Variants in DCC observed in about 807,000 individuals in gnomAD.
DCC encodes the protein DCC netrin 1 receptor.
Under a neutral mutation model 172.5 loss-of-function variants are expected in DCC, and 58 were observed. The observed-to-expected ratio is 0.34, with a 90% confidence interval of 0.27 to 0.42. The LOEUF is 0.42. Ranked by LOEUF, DCC falls within the 10% of genes least tolerant of loss-of-function variation. The pLI is 1.00. For synonymous variants in DCC, 709 were observed against 644.5 expected (o/e 1.10, Z -1.52); for missense variants, 1,740 against 1,791.0 (o/e 0.97, Z 0.51).
chr18:53,348,619 C>T (rs942026002), intron 15 of DCC, among the ~76,000 whole-genome samples: 1 of 152,186 alleles, frequency 6.6e-6, no homozygotes, highest in Non-Finnish European at 1.5e-5. Flanking sequence ...ACTGCCCTAG[C>T]AGAGGTTCTC....
chr18:52,479,769 A>G (rs1011051294), intron 1 of DCC, among the ~76,000 whole-genome samples: 1 of 152,162 alleles, frequency 6.6e-6, no homozygotes, highest in Admixed American at 6.6e-5. Context: ...AAGAAAATCA[A>G]TAAGGAAAAT....
chr18:52,782,504 A>G (rs1406801366), intron 2 of DCC, among the ~76,000 whole-genome samples: 3 of 151,812 alleles, frequency 2.0e-5, no homozygotes, highest in African/African-American at 4.8e-5. Context: ...TGCACACTCT[A>G]GTGTCCCAAA....
rs552699085 is a variant in DCC at position 52,755,005 on chromosome 18, A to C, written c.412+2631A>C. 4.6e-5 allele frequency among the ~76,000 whole-genome samples: 7 copies of C among 152,360 alleles called. No individual in the cohort carries two copies. In the South Asian group the frequency reaches 1.0e-3, roughly 23 times the overall value. The stretch of plus-strand genomic sequence containing the variant: ...AGTGTCTGAAATTTGATTGATGAGT[A>C]TAAAGTGTAGAGAGAACTGAATGTT... On this transcript the variant is annotated intron_variant, in intron 2 of 28. Coordinates refer to ENST00000442544, the MANE Select transcript of DCC (RefSeq NM_005215.4).
chr18:53,325,902 T>G (rs1053759116), intron 14 of DCC, among the ~76,000 whole-genome samples: 1 of 152,164 alleles, frequency 6.6e-6, no homozygotes, highest in Non-Finnish European at 1.5e-5. Context: ...ACGTAGAACT[T>G]GAACTACAAA....
intron 1 of DCC, among the ~76,000 whole-genome samples, chr18:52,682,584 C>T (rs1353068696): frequency 6.6e-6 from 1 of 152,082 alleles, no homozygotes; most frequent in African/African-American, 2.4e-5. Context: ...TTCCTTATTT[C>T]ACTAAACGCC....
chr18:53,320,695 A>G (rs2057401123), intron 13 of DCC, among the ~76,000 whole-genome samples: 1 of 152,082 alleles, frequency 6.6e-6, no homozygotes, highest in African/African-American at 2.4e-5. Flanking sequence ...TATTAACCTA[A>G]TGTTTTCTTT....
intron 7 of DCC, among the ~76,000 whole-genome samples, chr18:53,081,012 T>C (rs991276616): frequency 2.0e-5 from 3 of 152,090 alleles, no homozygotes; most frequent in Non-Finnish European, 4.4e-5. Context: ...TAAAGGGTTA[T>C]GCATTAACAT....
chr18:53,082,148 C>A (rs968417635), intron 7 of DCC, among the ~76,000 whole-genome samples: 3 of 151,984 alleles, frequency 2.0e-5, no homozygotes, highest in Non-Finnish European at 2.9e-5. Flanking sequence ...TTTAAACTAC[C>A]CTCGTCCTTA....
At position 52,531,896 on chromosome 18, in the gene DCC, A is replaced by C. The variant is rs186062303; in HGVS notation, c.91+191018A>C. The stretch of plus-strand genomic sequence containing the variant: ...TTCAAGCATATTCTTGATCTTAAAA[A>C]CAAAAAAAGATGAAGAGAAGGAAAT... On this transcript the variant is annotated intron_variant, in intron 1 of 28. Coordinates refer to ENST00000442544, the MANE Select transcript of DCC (RefSeq NM_005215.4). 2.0e-5 allele frequency among the ~76,000 whole-genome samples: 3 copies of C among 152,358 alleles called. No homozygotes were observed. In the East Asian group the frequency reaches 5.8e-4, roughly 29 times the overall value.
intron 1 of DCC, among the ~76,000 whole-genome samples, chr18:52,553,630 C>T (rs183525842): frequency 1.3e-5 from 2 of 151,836 alleles, no homozygotes; most frequent in South Asian, 4.2e-4. Flanking sequence ...AGTGTGAGTG[C>T]ACACTCTGGG....
At chr18:53,335,315 C>T (rs980593811) in intron 14 of DCC, among the ~76,000 whole-genome samples, 11 of 152,130 alleles carry the variant, frequency 7.2e-5, no homozygotes, top group South Asian at 2.1e-4. Context: ...CAAGATCTCA[C>T]GATTGTCTTA....
At chr18:52,720,425 C>A (rs764379347) in intron 1 of DCC, among the ~76,000 whole-genome samples, 2 of 152,108 alleles carry the variant, frequency 1.3e-5, no homozygotes, top group African/African-American at 4.8e-5. Context: ...CTAACATGGC[C>A]GTGGTGTTAG....
At chr18:52,779,535 T>G (rs1406032743) in intron 2 of DCC, among the ~76,000 whole-genome samples, 1 of 152,264 alleles carries the variant, frequency 6.6e-6, no homozygotes, top group Non-Finnish European at 1.5e-5. Context: ...TGTTGCATTT[T>G]CTTTATCCAG....
chr18:52,857,128 AAAT>A (rs1198822190), intron 2 of DCC, among the ~76,000 whole-genome samples: 2 of 152,262 alleles, frequency 1.3e-5, no homozygotes, highest in Non-Finnish European at 2.9e-5. Context: ...AATGGTAAAA[AAAT>A]AATATCATGT....
At chr18:53,301,025 T>C (rs998677313) in intron 12 of DCC, among the ~76,000 whole-genome samples, 19 of 62,208 alleles carry the variant, frequency 3.1e-4, no homozygotes, top group African/African-American at 6.4e-4. Context: ...CTCTTTCTTT[T>C]CTTTTTCTTT....
intron 1 of DCC, among the ~76,000 whole-genome samples, chr18:52,418,858 C>CTTTCTTTCTTTCTTTCT (rs1555680301): frequency 1.1e-5 from 1 of 93,020 alleles, no homozygotes; most frequent in Non-Finnish European, 2.0e-5. Context: ...TTCTTTCTTT[C>CTTTCTTTCTTTCTTTCT]TTTTTTTTTT....
In DCC at chr18:52,863,079, T is replaced by C. The variant is rs7233860; in HGVS notation, c.413-42965T>C. ...TACAATTTTTCCTATTTTCTTTCTT[T>C]CCCTTTTTATATTCATCCAGTTTCA... On this transcript the variant is annotated intron_variant, in intron 2 of 28. Transcript: ENST00000442544. Among the ~76,000 whole-genome samples the C allele has an allele frequency of 3.6e-3, 554 of 152,220 alleles. 1 individual carries two copies. Among genetic ancestry groups the C allele is most frequent in the African/African-American group, 0.012 (509 of 41,568 alleles).
chr18:53,094,523 C>G (rs551084913), intron 7 of DCC, among the ~76,000 whole-genome samples: 1 of 152,064 alleles, frequency 6.6e-6, no homozygotes, highest in Non-Finnish European at 1.5e-5. Context: ...TCTCAGAATC[C>G]CTGTGGAATT....
intron 2 of DCC, among the ~76,000 whole-genome samples, chr18:52,823,533 T>C (rs1053416370): frequency 1.3e-5 from 2 of 151,754 alleles, no homozygotes; most frequent in African/African-American, 4.8e-5. Context: ...ATACTTGGAA[T>C]GTCAAAGAAT....
Sources: gnomAD v4.1 joint callset for allele counts (sites outside exome capture counted in the v4.1 genomes callset) on GRCh38, gnomAD v4.1.1 for gene constraint, MANE v1.5 for transcripts, NCBI Gene and HGNC (gene_info 2026-07-23, HGNC 2026-07-21) for gene names.